Variants in MAL2 observed in about 807,000 individuals in gnomAD.
MAL2 encodes protein MAL2.
In MAL2, 17 loss-of-function variants were observed where a neutral mutation model predicts 18.1. The ratio of observed to expected loss-of-function variants is 0.94; its 90% confidence interval spans 0.64 to 1.41. The LOEUF (loss-of-function observed/expected upper bound fraction) is 1.41. MAL2 is among the 40% of genes most tolerant of loss of function. MAL2 has a pLI of 0.00. For synonymous variants in MAL2, 102 were observed against 102.3 expected, an observed-to-expected ratio of 1.00 and a Z score of 0.02; for missense variants, 222 against 231.9, an observed-to-expected ratio of 0.96 and a Z score of 0.28.
At chr8:119,224,544 AT>A (rs567084678) in intron 2 of MAL2, among the ~76,000 whole-genome samples, 2 of 151,994 alleles carry the variant, frequency 1.3e-5, no homozygotes, top group South Asian at 4.1e-4. Context: ...TTTTTTTAAG[AT>A]TTTTTTTATT....
intron 1 of MAL2, among the ~76,000 whole-genome samples, chr8:119,217,029 G>A (rs1344451780): frequency 1.3e-5 from 2 of 152,220 alleles, no homozygotes. Flanking sequence ...TTAAGAATCT[G>A]TAATTCATGC....
chr8:119,222,580 G>A (rs1817489158), intron 2 of MAL2, among the ~76,000 whole-genome samples: 1 of 151,200 alleles, frequency 6.6e-6, no homozygotes, highest in South Asian at 2.1e-4. Context: ...ATAGTCCCAG[G>A]ACTTTGGGAA....
intron 2 of MAL2, among the ~76,000 whole-genome samples, chr8:119,236,590 C>CTG (rs1275622119): frequency 5.9e-5 from 9 of 151,824 alleles, no homozygotes; most frequent in African/African-American, 1.9e-4. Context: ...TTATAACAAA[C>CTG]TCTCTCAGAC....
chr8:119,238,621 A>G (rs202088361), intron 2 of MAL2, among the ~76,000 whole-genome samples: 4 of 149,582 alleles, frequency 2.7e-5, no homozygotes, highest in East Asian at 2.0e-4. Context: ...AAATAACGCC[A>G]CATATCTACA....
intron 2 of MAL2, 115 bp downstream of exon 2, chr8:119,221,872 C>A: frequency 8.9e-7 from 1 of 1,122,442 alleles, no homozygotes; most frequent in Non-Finnish European, 1.3e-6. Context: ...AGAAGCGGTC[C>A]AACCACAGAG....
At chr8:119,224,708 C>T (rs573736136) in intron 2 of MAL2, among the ~76,000 whole-genome samples, 1 of 152,254 alleles carries the variant, frequency 6.6e-6, no homozygotes, top group African/African-American at 2.4e-5. Flanking sequence ...CCCACCCACT[C>T]CTGAGTCTCC....
chr8:119,219,291 T>G (rs77471023), intron 1 of MAL2, among the ~76,000 whole-genome samples: 2 of 152,240 alleles, frequency 1.3e-5, no homozygotes, highest in African/African-American at 4.8e-5. Context: ...CAAAAATGTT[T>G]CTTCAAAGTA....
At chr8:119,214,032 G>A (rs1005859624) in intron 1 of MAL2, among the ~76,000 whole-genome samples, 11 of 152,184 alleles carry the variant, frequency 7.2e-5, no homozygotes, top group African/African-American at 2.7e-4. Flanking sequence ...GAAGAGATTT[G>A]TTTTGTAGAG....
At position 119,240,284 on chromosome 8, in the gene MAL2, G is replaced by A. The variant is rs770984161; in HGVS notation, c.423G>A (p.Leu141=). 1.2e-6 allele frequency: 2 copies of A among 1,613,596 alleles called. No homozygotes were observed. The highest frequency in any genetic ancestry group is 1.7e-6 in the Non-Finnish European group (2 of 1,179,816). The change falls in exon 3 of 4, where the codon CTG becomes CTA. Residue 141 remains leucine (L), a synonymous_variant. Coordinates refer to ENST00000614891, the MANE Select transcript of MAL2 (RefSeq NM_052886.3). ...CNTTITGQPL[L]SDNQYNINVA... ...CAACCATAACCGGGCAGCCACTCCT[G>A]AGTGATAACCAGTATAACATAAACG...
At position 119,208,490 on chromosome 8, in the gene MAL2, G is replaced by C. The variant is rs1817218984; in HGVS notation, c.18G>C (p.Ala6=). The change falls in exon 1 of 4, where the codon GCG becomes GCC. Residue 6 remains alanine, a synonymous_variant. Transcript: ENST00000614891. The surrounding 1 kb of genome is among the most constrained non-coding windows in gnomAD (Gnocchi z 4.3). Reference sequence around the variant, plus strand: ...GCGGCAGCATGTCGGCCGGCGGAGCGTCAGTCCCGCCGCCCCCGAACCCCG... The same window carrying C: ...GCGGCAGCATGTCGGCCGGCGGAGCCTCAGTCCCGCCGCCCCCGAACCCCG... MSAGG[A]SVPPPPNPAV... The C allele has an allele frequency of 3.9e-6, 5 of 1,287,648 alleles. No homozygotes were observed. The highest frequency in any genetic ancestry group is 4.9e-6 in the Non-Finnish European group (5 of 1,016,786). 79.8% of individuals were successfully genotyped at this position (1,287,648 alleles called of 1,614,324 possible).
At chr8:119,228,114 A>G (rs1817634798) in intron 2 of MAL2, among the ~76,000 whole-genome samples, 1 of 152,106 alleles carries the variant, frequency 6.6e-6, no homozygotes, top group Non-Finnish European at 1.5e-5. Context: ...AGGGCAATAC[A>G]TGCTCCTTAC....
At chr8:119,217,425 C>G (rs951540469) in intron 1 of MAL2, among the ~76,000 whole-genome samples, 2 of 152,304 alleles carry the variant, frequency 1.3e-5, no homozygotes, top group East Asian at 3.9e-4. Context: ...CTGATACCTA[C>G]TCCTAGGAGG....
chr8:119,244,628 ATTACT>A lies in MAL2; in HGVS notation c.*1143_*1147del, dbSNP rs1376869213. On this transcript the variant is annotated 3_prime_UTR_variant, in exon 4 of 4. Transcript: ENST00000614891. ...AAGTTTTTACTTCTAATTATTTTGCATTACTTTGAGTTAAATTTGAATAGAGTATT... is the reference window on the plus strand; with the variant it reads ...AAGTTTTTACTTCTAATTATTTTGCATTGAGTTAAATTTGAATAGAGTATT... The A allele has an allele frequency of 9.9e-5, 15 of 152,268 alleles. No individual in the cohort carries two copies. The highest frequency in any genetic ancestry group is 9.8e-4 in the Admixed American group (15 of 15,286). 9.4% of individuals were successfully genotyped at this position (152,268 alleles called of 1,614,324 possible). A position where few individuals can be genotyped will look rare whatever the true frequency, so the allele number is the denominator to read the frequency against.
chr8:119,234,868 A>C (rs1456736735), intron 2 of MAL2, among the ~76,000 whole-genome samples: 1 of 151,946 alleles, frequency 6.6e-6, no homozygotes, highest in Non-Finnish European at 1.5e-5. Context: ...AAAAAACAGA[A>C]CATAAAAACT....
chr8:119,240,144 G>A (rs527462583), intron 2 of MAL2, 21 bp from the exon 3 acceptor site: 1 of 1,607,534 alleles, frequency 6.2e-7, no homozygotes, highest in South Asian at 1.1e-5. Flanking sequence ...AATTGCAGAT[G>A]TCTTTTCTCT....
chr8:119,227,861 C>T (rs1003574271), intron 2 of MAL2, among the ~76,000 whole-genome samples: 1 of 152,158 alleles, frequency 6.6e-6, no homozygotes, highest in Non-Finnish European at 1.5e-5. Flanking sequence ...TCTTCTTCCA[C>T]TGACCATTTT....
At chr8:119,225,496 C>T (rs1279435259) in intron 2 of MAL2, among the ~76,000 whole-genome samples, 4 of 152,140 alleles carry the variant, frequency 2.6e-5, no homozygotes, top group Admixed American at 6.5e-5. Flanking sequence ...GTATATGTGC[C>T]ACATTTTCTT....
At position 119,222,575 on chromosome 8, in the gene MAL2, C is replaced by T. The variant is rs187883082; in HGVS notation, c.303+818C>T. 2.8e-3 allele frequency among the ~76,000 whole-genome samples: 429 copies of T among 151,122 alleles called. 1 individual carries two copies. Among genetic ancestry groups the T allele is most frequent in the African/African-American group, 9.8e-3 (405 of 41,160 alleles). On this transcript the variant is annotated intron_variant, in intron 2 of 3. Transcript: ENST00000614891. The stretch of plus-strand genomic sequence containing the variant: ...AAGTGCAGTGGCTCATGCCTATAGT[C>T]CCAGGACTTTGGGAAGCTGAGGCAG...
At chr8:119,222,987 G>C (rs1271070867) in intron 2 of MAL2, among the ~76,000 whole-genome samples, 1 of 152,110 alleles carries the variant, frequency 6.6e-6, no homozygotes, top group Non-Finnish European at 1.5e-5. Context: ...GGATCACAGT[G>C]CTTCAGGGAA....
Sources: gnomAD v4.1 joint callset for allele counts (sites outside exome capture counted in the v4.1 genomes callset) on GRCh38, gnomAD v4.1.1 for gene constraint, Gnocchi (gnomAD v3.1) non-coding constraint, MANE v1.5 for transcripts, NCBI Gene and HGNC (gene_info 2026-07-23, HGNC 2026-07-21) for gene names.